CHD9: variants seen among roughly 807,000 people sequenced by gnomAD.
CHD9 encodes the protein chromodomain helicase DNA binding protein 9, also known as ATP-dependent chromatin remodeler CHD9.
Under a neutral mutation model 316.1 loss-of-function variants are expected in CHD9, and 77 were observed. That is an observed-to-expected ratio of 0.24 (90% CI 0.20 to 0.29). The LOEUF (loss-of-function observed/expected upper bound fraction) is 0.29, where lower values mean the gene tolerates loss of function less well. Among genes scored for constraint, CHD9 ranks in the 10% least tolerant of loss-of-function variants. CHD9 has a pLI of 1.00. For missense variants in CHD9, 2,763 were observed against 3,438.1 expected, an observed-to-expected ratio of 0.80 and a Z score of 4.91; for synonymous variants, 1,129 against 1,158.3, an observed-to-expected ratio of 0.97 and a Z score of 0.51.
intron 18 of CHD9, among the ~76,000 whole-genome samples, chr16:53,255,267 C>A (rs953488156): frequency 1.5e-4 from 23 of 152,006 alleles, no homozygotes; most frequent in Non-Finnish European, 1.5e-5. Flanking sequence ...TGTGTTTACA[C>A]CACTGCACTC....
At chr16:53,204,111 TTATC>T (rs915934051) in intron 2 of CHD9, among the ~76,000 whole-genome samples, 7 of 126,292 alleles carry the variant, frequency 5.5e-5, no homozygotes, top group African/African-American at 2.4e-4. Flanking sequence ...GAATGTTTCT[TTATC>T]TAGATAACGT....
chr16:53,076,799 A>T (rs1024224534), intron 1 of CHD9, among the ~76,000 whole-genome samples: 1 of 151,740 alleles, frequency 6.6e-6, no homozygotes, highest in Non-Finnish European at 1.5e-5. Flanking sequence ...GCAAATTTTA[A>T]TTAATTAATT....
At chr16:53,261,985 T>C (rs1484466881) in intron 19 of CHD9, among the ~76,000 whole-genome samples, 1 of 152,220 alleles carries the variant, frequency 6.6e-6, no homozygotes, top group African/African-American at 2.4e-5. Context: ...CAGTTTTATC[T>C]TTTTAATGTG....
intron 1 of CHD9, among the ~76,000 whole-genome samples, chr16:53,146,586 C>T (rs2152723863): frequency 6.7e-6 from 1 of 150,294 alleles, no homozygotes; most frequent in Non-Finnish European, 1.5e-5. Flanking sequence ...TCACTTGAGG[C>T]CAGGAGTTTG....
chr16:53,067,021 C>A (rs2033591372), intron 1 of CHD9, among the ~76,000 whole-genome samples: 2 of 152,214 alleles, frequency 1.3e-5, no homozygotes, highest in Admixed American at 1.3e-4. Context: ...TGGCTCACTG[C>A]AACCTCTGCC....
At chr16:53,198,830 C>T (rs903226193) in intron 2 of CHD9, among the ~76,000 whole-genome samples, 2 of 152,118 alleles carry the variant, frequency 1.3e-5, no homozygotes, top group East Asian at 1.9e-4. Flanking sequence ...GGAATGGGAA[C>T]GCCTAGGATA....
intron 1 of CHD9, among the ~76,000 whole-genome samples, chr16:53,140,672 C>T (rs2040046776): frequency 6.6e-6 from 1 of 152,204 alleles, no homozygotes. Flanking sequence ...ACTGCATCCT[C>T]AACCTCCTGA....
chr16:53,318,894 A>G (rs1393255366), intron 37 of CHD9, among the ~76,000 whole-genome samples: 1 of 152,218 alleles, frequency 6.6e-6, no homozygotes, highest in African/African-American at 2.4e-5. Context: ...TTTCTGTCAG[A>G]TGACCTTAAC....
intron 19 of CHD9, among the ~76,000 whole-genome samples, chr16:53,257,961 G>A (rs1210847801): frequency 1.3e-5 from 2 of 152,026 alleles, no homozygotes; most frequent in African/African-American, 4.8e-5. Context: ...AATATCAAAA[G>A]GTGGTCATGG....
rs1279197433 is a variant in CHD9, at chr16:53,236,931, C to T, written c.2634-1412C>T. Among the ~76,000 whole-genome samples, 5 of 151,764 alleles carry T rather than the reference C, an allele frequency of 3.3e-5. No individual in the cohort carries two copies. The East Asian group carries it at 5.8e-4, about 18-fold the overall frequency. On this transcript the variant is annotated intron_variant, in intron 11 of 38. Transcript: ENST00000447540. ...TGTCTTTAGCTCTCTTTTCATATTA[C>T]ATTTGTTCTCCCTAAGCCATATTCT...
At chr16:53,307,429 A>T (rs1380943454) in intron 32 of CHD9, among the ~76,000 whole-genome samples, 2 of 152,104 alleles carry the variant, frequency 1.3e-5, no homozygotes. Flanking sequence ...GGCCTCCCAA[A>T]GTGCTGGGAT....
chr16:53,084,589 A>G (rs909707325), intron 1 of CHD9, among the ~76,000 whole-genome samples: 1 of 152,190 alleles, frequency 6.6e-6, no homozygotes, highest in African/African-American at 2.4e-5. Context: ...CTAAAATACA[A>G]AAAATTAGCC....
At chr16:53,197,096 A>G (rs2044991923) in intron 2 of CHD9, among the ~76,000 whole-genome samples, 1 of 152,154 alleles carries the variant, frequency 6.6e-6, no homozygotes, top group Admixed American at 6.5e-5. Flanking sequence ...ATTGTGTTAA[A>G]AATAAGGGAG....
chr16:53,263,756 C>T (rs1003330836), intron 20 of CHD9, among the ~76,000 whole-genome samples: 4 of 152,022 alleles, frequency 2.6e-5, no homozygotes, highest in African/African-American at 9.7e-5. Context: ...AGGAGTAACA[C>T]CACTACCATC....
chr16:53,094,026 C>T (rs1298819710), intron 1 of CHD9, among the ~76,000 whole-genome samples: 1 of 152,130 alleles, frequency 6.6e-6, no homozygotes, highest in African/African-American at 2.4e-5. Context: ...CTGGAGGAGA[C>T]TTTATCTTAA....
chr16:53,201,064 A>C (rs2045413571), intron 2 of CHD9, among the ~76,000 whole-genome samples: 2 of 152,136 alleles, frequency 1.3e-5, no homozygotes, highest in Non-Finnish European at 2.9e-5. Context: ...TAAATGATGG[A>C]ACTGGAACCA....
chr16:53,310,298 T>G (rs1379931473), intron 34 of CHD9, among the ~76,000 whole-genome samples: 1 of 152,168 alleles, frequency 6.6e-6, no homozygotes, highest in Non-Finnish European at 1.5e-5. Context: ...TACCTTACAA[T>G]TAACAATTTT....
intron 20 of CHD9, among the ~76,000 whole-genome samples, chr16:53,264,772 A>G (rs1029002188): frequency 4.6e-5 from 7 of 152,190 alleles, no homozygotes; most frequent in Non-Finnish European, 1.0e-4. Context: ...CTGTAATGTC[A>G]GGAAAAGCTT....
intron 1 of CHD9, among the ~76,000 whole-genome samples, chr16:53,063,688 C>T (rs1480198761): frequency 2.0e-5 from 3 of 151,632 alleles, no homozygotes; most frequent in Non-Finnish European, 4.4e-5. Context: ...CCCGCCACCA[C>T]GCCCGGCTAA....
Sources: allele counts gnomAD v4.1 joint callset (sites outside exome capture counted in the v4.1 genomes callset), GRCh38; gene constraint gnomAD v4.1.1; transcripts MANE v1.5; gene names NCBI Gene and HGNC (gene_info 2026-07-23, HGNC 2026-07-21).